The following KRT12 variants were observed in gnomAD, a reference collection of about 807,000 sequenced individuals.
KRT12 encodes the protein keratin 12, also known as keratin, type I cytoskeletal 12.
A neutral mutation model predicts 50.2 loss-of-function variants in KRT12; 43 were observed. The observed-to-expected ratio is 0.86, with a 90% CI of 0.67 to 1.11. The LOEUF (loss-of-function observed/expected upper bound fraction) is 1.11, where lower values mean the gene tolerates loss of function less well. Among genes scored for constraint, KRT12 ranks in the 50% least tolerant of loss-of-function variants. The probability of loss-of-function intolerance (pLI) is 0.00; values close to 1 mark genes in which losing one functional copy is unlikely to be tolerated. For synonymous variants in KRT12, 257 were observed against 253.6 expected (o/e 1.01, Z -0.13); for missense variants, 588 against 625.6 (o/e 0.94, Z 0.64).
At chr17:40,865,426 C>T (rs1442822282) in intron 2 of KRT12, among the ~76,000 whole-genome samples, 1 of 152,172 alleles carries the variant, frequency 6.6e-6, no homozygotes, top group African/African-American at 2.4e-5. Flanking sequence ...ATTGCAACTT[C>T]CTGTGTAGAA....
Position 40,867,023 on chromosome 17 carries a change from C to A in KRT12, c.164G>T (p.Gly55Val). The change falls in exon 1 of 8, where the codon GGA becomes GTA. Residue 55 changes from glycine (G) to valine (V), a missense_variant. Coordinates refer to ENST00000251643, the MANE Select transcript of KRT12 (RefSeq NM_000223.4). ...SAFGFGASCG[G>V]GFSAASMFGS... Reference sequence around the variant, plus strand: ...AAACATGGAAGCAGCAGAAAAGCCTCCCCCACAGCTGGCTCCAAAGCCAAA... The same window carrying A: ...AAACATGGAAGCAGCAGAAAAGCCTACCCCACAGCTGGCTCCAAAGCCAAA... 1 of 1,599,690 alleles carries A rather than the reference C, an allele frequency of 6.3e-7. No homozygotes were observed. Among genetic ancestry groups the A allele is most frequent in the Non-Finnish European group, 8.5e-7 (1 of 1,173,018 alleles).
rs1466249729 is a variant in KRT12, at chr17:40,866,903, C to T, written c.284G>A (p.Gly95Glu). Residue 95 changes from glycine (G) to glutamate (E), a missense_variant, in exon 1 of 8, where the codon GGA (glycine) becomes GAA (glutamate). Physicochemically the swap from Gly to Glu is moderately conservative, Grantham distance 98. Coordinates refer to ENST00000251643, the MANE Select transcript of KRT12 (RefSeq NM_000223.4). ...YGRALGGGSF[G>E]GLGMGFGGSP... ...GCCCCCAAATCCCATCCCCAGCCCT[C>T]CAAAGCTACCTCCACCCAGGGCTCT... 1.2e-6 allele frequency: 2 copies of T among 1,613,834 alleles called. No individual in the cohort carries two copies. The highest frequency in any genetic ancestry group is 2.7e-5 in the African/African-American group (2 of 74,868).
intron 7 of KRT12, 116 bp downstream of exon 7, chr17:40,862,449 T>C (rs1906837257): frequency 2.6e-6 from 2 of 770,768 alleles, no homozygotes; most frequent in Non-Finnish European, 4.6e-6. Flanking sequence ...GCTCAGAATA[T>C]AAATATGCTT....
At chr17:40,862,753 A>T in intron 6 of KRT12, 118 bp from the exon 7 acceptor site, 2 of 802,040 alleles carry the variant, frequency 2.5e-6, no homozygotes, top group South Asian at 1.4e-5. Flanking sequence ...CAACTAGTGC[A>T]GACTCTGATC....
Position 40,863,271 on chromosome 17 carries a change from G to T in KRT12, c.1168C>A (p.Leu390Ile), listed in dbSNP as rs1906872826. 6.2e-7 allele frequency: 1 copy of T among 1,613,898 alleles called. No individual in the cohort carries two copies. Among genetic ancestry groups the T allele is most frequent in the Non-Finnish European group, 8.5e-7 (1 of 1,179,998 alleles). The change falls in exon 6 of 8, where the codon CTC becomes ATC. Residue 390 changes from leucine to isoleucine, a missense_variant. Leu to Ile is a conservative substitution (Grantham distance 5). Transcript: ENST00000251643. This position sits in a 1 kb window ranked among gnomAD's most constrained non-coding sequence, Gnocchi z 4.2. The part of the protein sequence containing the change: ...YCAQLSQVQQ[L>I]ISNLEAQLLQ... ...AGCTGTGCCTCCAGGTTGCTGATGA[G>T]CTGCTGCACCTGGGACAGCTGCGCG...
At chr17:40,862,020 A>G (rs529888846) in intron 7 of KRT12, among the ~76,000 whole-genome samples, 1 of 152,212 alleles carries the variant, frequency 6.6e-6, no homozygotes, top group African/African-American at 2.4e-5. Flanking sequence ...ACCTTGCAGC[A>G]GAGTAGGTTT....
chr17:40,865,550 G>A (rs1403128409), intron 2 of KRT12, among the ~76,000 whole-genome samples: 1 of 152,212 alleles, frequency 6.6e-6, no homozygotes, highest in Non-Finnish European at 1.5e-5. Context: ...TCCATTGTAT[G>A]TGTCATCAGG....
intron 1 of KRT12, 100 bp from the exon 2 acceptor site, chr17:40,866,337 C>A (rs1907020863): frequency 1.1e-6 from 1 of 935,598 alleles, no homozygotes; most frequent in South Asian, 1.4e-5. Context: ...ATATTAAATG[C>A]TGTTTTATTT....
chr17:40,866,714 C>G lies in KRT12; in HGVS notation c.473G>C (p.Arg158Pro). The change falls in exon 1 of 8, where the codon CGA becomes CCA. Residue 158 changes from arginine (R) to proline (P), a missense_variant. Physicochemically the swap from Arg to Pro is moderately radical, Grantham distance 103 (BLOSUM62 -2). Transcript: ENST00000251643. ...EANTELENKIREWYETRGTGT... is the reference protein window; with the variant it reads ...EANTELENKIPEWYETRGTGT... ...AGTTCCTCGTGTTTCATACCATTCT[C>G]GAATTTTATTTTCTAGCTCAGTATT... 1 of 1,614,196 alleles carries G rather than the reference C, an allele frequency of 6.2e-7. No individual in the cohort carries two copies. The highest frequency in any genetic ancestry group is 8.5e-7 in the Non-Finnish European group (1 of 1,180,028).
At chr17:40,864,343 G>C (rs1352873188) in intron 3 of KRT12, among the ~76,000 whole-genome samples, 1 of 152,122 alleles carries the variant, frequency 6.6e-6, no homozygotes, top group Non-Finnish European at 1.5e-5. Context: ...CCTATTGCCA[G>C]CATCCCTTCC....
Position 40,866,856 on chromosome 17 carries a change from C to G in KRT12, c.331G>C (p.Gly111Arg). Residue 111 changes from glycine to arginine, a missense_variant, in exon 1 of 8, where the codon GGT becomes CGT. By Grantham distance (125) the Gly-to-Arg change is moderately radical (BLOSUM62 -2). Coordinates refer to ENST00000251643, the MANE Select transcript of KRT12 (RefSeq NM_000223.4). Reference protein sequence around the residue: ...FGGSPGGGSLGILSGNDGGLL... With the variant: ...FGGSPGGGSLRILSGNDGGLL... ...CCTCCATCATTGCCCGAGAGAATAC[C>G]TAGAGAGCCACCTCCTGGGCTGCCC... is the stretch of plus-strand genomic sequence containing the variant. 1 of 1,614,122 alleles carries G rather than the reference C, an allele frequency of 6.2e-7. No homozygotes were observed.
intron 7 of KRT12, among the ~76,000 whole-genome samples, 191 bp from the exon 8 acceptor site, chr17:40,861,949 T>C (rs2143252698): frequency 6.6e-6 from 1 of 152,378 alleles, no homozygotes; most frequent in Non-Finnish European, 1.5e-5. Context: ...AGTGTTGCCT[T>C]GTACATATAT....
chr17:40,864,778 C>G, intron 3 of KRT12, 28 bp downstream of exon 3: 1 of 1,608,948 alleles, frequency 6.2e-7, no homozygotes, highest in Non-Finnish European at 8.5e-7. Flanking sequence ...AAAAAAGTAG[C>G]TGAGTGAGGC....
rs765293236 is a variant in KRT12 at position 40,863,597 on chromosome 17, C to T, written c.983G>A (p.Arg328His). 14 of 1,614,118 alleles carry T rather than the reference C, an allele frequency of 8.7e-6. No homozygotes were observed. Among genetic ancestry groups the T allele is most frequent in the Middle Eastern group, 1.6e-4 (1 of 6,084 alleles). The change falls in exon 5 of 8, where the codon CGT becomes CAT. Residue 328 changes from arginine (R) to histidine (H), a missense_variant. By Grantham distance (29) the Arg-to-His change is conservative. Transcript: ENST00000251643. The surrounding 1 kb of genome is among the most constrained non-coding windows in gnomAD (Gnocchi z 4.2). ...AWFIEKSGEL[R>H]KEISTNTEQL... Reference sequence around the variant, plus strand: ...CTCGGTGTTGGTGCTAATCTCCTTACGGAGCTCCCCGCTCTGCAACAGCAA... The same window carrying T: ...CTCGGTGTTGGTGCTAATCTCCTTATGGAGCTCCCCGCTCTGCAACAGCAA...
intron 3 of KRT12, 142 bp from the exon 4 acceptor site, chr17:40,864,006 T>C: frequency 1.9e-6 from 1 of 516,074 alleles, no homozygotes; most frequent in Non-Finnish European, 3.2e-6. Flanking sequence ...AAATTCTATC[T>C]TATGACTGTT....
chr17:40,866,677 A>T lies in KRT12; in HGVS notation c.510T>A (p.Asp170Glu). The change falls in exon 1 of 8, where the codon GAT (aspartate) becomes GAA (glutamate). Residue 170 changes from aspartate to glutamate, a missense_variant. By Grantham distance (45) the Asp-to-Glu change is conservative. Transcript: ENST00000251643. ...WYETRGTGTADASQSDYSKYY... is the reference protein window; with the variant it reads ...WYETRGTGTAEASQSDYSKYY... ...ATTTGCTGTAATCGCTCTGTGAAGC[A>T]TCTGCAGTCCCAGTTCCTCGTGTTT... The T allele has an allele frequency of 6.2e-7, 1 of 1,614,202 alleles. No homozygotes were observed. The highest frequency in any genetic ancestry group is 2.2e-5 in the East Asian group (1 of 44,880).
Position 40,864,463 on chromosome 17 carries a change from T to G in KRT12, c.807+343A>C, listed in dbSNP as rs116802305. On this transcript the variant is annotated intron_variant, in intron 3 of 7. Coordinates refer to ENST00000251643, the MANE Select transcript of KRT12 (RefSeq NM_000223.4). ...AAAACATTATATATTATTGGTAGAC[T>G]TTTGTTTTAACTTTTAAAATACTCA... is the stretch of plus-strand genomic sequence containing the variant. 4.6e-3 allele frequency among the ~76,000 whole-genome samples: 694 copies of G among 152,326 alleles called. 5 individuals are homozygous for G. Among genetic ancestry groups the G allele is most frequent in the African/African-American group, 0.016 (659 of 41,568 alleles).
chr17:40,862,996 G>A, intron 6 of KRT12, 127 bp downstream of exon 6: 1 of 810,200 alleles, frequency 1.2e-6, no homozygotes, highest in East Asian at 2.6e-5. Flanking sequence ...TAAATCCCAG[G>A]CATATCTTTA....
At position 40,863,341 on chromosome 17, in the gene KRT12, C is replaced by T; in HGVS notation, c.1098G>A (p.Lys366=). ...EIELQSQLAM[K]KSLEDSLAEA... Reference sequence around the variant, plus strand: ...CGGCCAAGGAGTCCTCCAGGGATTTCTTCTGCACGTGGGAGGGAAATGGCA... The same window carrying T: ...CGGCCAAGGAGTCCTCCAGGGATTTTTTCTGCACGTGGGAGGGAAATGGCA... Residue 366 remains lysine (K), a splice_region_variant and synonymous_variant, in exon 6 of 8, where the codon AAG becomes AAA. Coordinates refer to ENST00000251643, the MANE Select transcript of KRT12 (RefSeq NM_000223.4). The surrounding 1 kb of genome is among the most constrained non-coding windows in gnomAD (Gnocchi z 4.2). 2 of 1,613,930 alleles carry T rather than the reference C, an allele frequency of 1.2e-6. No individual in the cohort carries two copies. The highest frequency in any genetic ancestry group is 1.1e-5 in the South Asian group (1 of 91,042).
Sources: allele counts gnomAD v4.1 joint callset (sites outside exome capture counted in the v4.1 genomes callset), GRCh38; gene constraint gnomAD v4.1.1; non-coding constraint Gnocchi (gnomAD v3.1); transcripts MANE v1.5; gene names NCBI Gene and HGNC (gene_info 2026-07-23, HGNC 2026-07-21).